Variants in ITFG1 observed in about 807,000 individuals in gnomAD.
ITFG1 encodes the protein integrin alpha FG-GAP repeat containing 1.
In ITFG1, 34 loss-of-function variants were observed where a neutral mutation model predicts 81.8. The ratio of observed to expected loss-of-function variants is 0.42; its 90% CI spans 0.32 to 0.55. The LOEUF is 0.55. Ranked by LOEUF, ITFG1 falls within the 20% of genes least tolerant of loss-of-function variation. The pLI, the probability that ITFG1 is intolerant of heterozygous loss-of-function variation, is 0.17. For synonymous variants in ITFG1, 285 were observed against 270.6 expected (o/e 1.05, Z -0.52); for missense variants, 672 against 755.4 (o/e 0.89, Z 1.29).
intron 14 of ITFG1, among the ~76,000 whole-genome samples, chr16:47,193,037 G>C (rs752515303): frequency 6.6e-6 from 1 of 152,054 alleles, no homozygotes; most frequent in Non-Finnish European, 1.5e-5. Context: ...GCAGTGGTCT[G>C]TCCCGTGTCT....
intron 13 of ITFG1, among the ~76,000 whole-genome samples, chr16:47,222,707 C>G (rs536118703): frequency 1.3e-5 from 2 of 152,294 alleles, no homozygotes; most frequent in Admixed American, 1.3e-4. Context: ...GCCACTCTGC[C>G]CAGCCTTGAG....
intron 5 of ITFG1, among the ~76,000 whole-genome samples, chr16:47,433,497 A>G (rs1291352397): frequency 2.0e-5 from 3 of 152,110 alleles, no homozygotes; most frequent in African/African-American, 7.2e-5. Context: ...CCTAACAAAT[A>G]TGAATTTGCC....
chr16:47,353,085 G>A (rs1240170373), intron 8 of ITFG1, among the ~76,000 whole-genome samples: 1 of 152,032 alleles, frequency 6.6e-6, no homozygotes, highest in Non-Finnish European at 1.5e-5. Context: ...GGGAGGGATA[G>A]CATTAGTAGA....
intron 12 of ITFG1, among the ~76,000 whole-genome samples, chr16:47,248,909 T>C (rs1446325983): frequency 6.6e-6 from 1 of 152,204 alleles, no homozygotes; most frequent in African/African-American, 2.4e-5. Context: ...CTTCTACTAT[T>C]TGTGTTCTTT....
intron 6 of ITFG1, among the ~76,000 whole-genome samples, chr16:47,424,051 A>G (rs1968986833): frequency 6.6e-6 from 1 of 152,126 alleles, no homozygotes; most frequent in South Asian, 2.1e-4. Context: ...TCTCCCTATC[A>G]CTTTCAGGTA....
intron 6 of ITFG1, among the ~76,000 whole-genome samples, chr16:47,405,996 C>T (rs762087589): frequency 2.6e-5 from 4 of 152,144 alleles, no homozygotes; most frequent in Admixed American, 6.5e-5. Flanking sequence ...TGTACACATA[C>T]AGAAGTTACG....
At chr16:47,427,860 G>A (rs1183907909) in intron 6 of ITFG1, among the ~76,000 whole-genome samples, 1 of 152,224 alleles carries the variant, frequency 6.6e-6, no homozygotes, top group African/African-American at 2.4e-5. Flanking sequence ...TTGATTGGGT[G>A]TGGTGGCTCA....
At position 47,154,573 on chromosome 16, in the gene ITFG1, ACTT is replaced by A. The variant is rs940815007; in HGVS notation, c.*1143_*1145del. 1.3e-5 allele frequency: 2 copies of A among 152,116 alleles called. No individual in the cohort carries two copies. Among genetic ancestry groups the A allele is most frequent in the African/African-American group, 4.8e-5 (2 of 41,436 alleles). 9.4% of individuals were successfully genotyped at this position (152,116 alleles called of 1,614,324 possible). A position where few individuals can be genotyped will look rare whatever the true frequency, so the allele number is the denominator to read the frequency against. On this transcript the variant is annotated 3_prime_UTR_variant, in exon 18 of 18. Transcript: ENST00000320640. ...ACTAGAAAATTATTAGCATTGATAA[ACTT>A]TTTTTTTTCAGTCTTAAAGTCTTTT... is the stretch of plus-strand genomic sequence containing the variant.
intron 7 of ITFG1, among the ~76,000 whole-genome samples, chr16:47,374,716 T>C (rs2151590249): frequency 6.6e-6 from 1 of 152,252 alleles, no homozygotes; most frequent in East Asian, 1.9e-4. Flanking sequence ...AAGTAGTACA[T>C]TAAATAAGTC....
intron 8 of ITFG1, among the ~76,000 whole-genome samples, chr16:47,348,377 G>C (rs1356154606): frequency 6.6e-6 from 1 of 152,208 alleles, no homozygotes; most frequent in East Asian, 1.9e-4. Context: ...GGACCTGATG[G>C]AGCTGAAAAC....
chr16:47,226,917 C>G (rs1248650096), intron 13 of ITFG1, among the ~76,000 whole-genome samples: 1 of 151,920 alleles, frequency 6.6e-6, no homozygotes, highest in Non-Finnish European at 1.5e-5. Context: ...AATGGGTTAT[C>G]TTTTAAAAAC....
intron 6 of ITFG1, among the ~76,000 whole-genome samples, chr16:47,398,200 T>C (rs752929329): frequency 6.6e-6 from 1 of 152,034 alleles, no homozygotes; most frequent in African/African-American, 2.4e-5. Flanking sequence ...AGAGAAAATA[T>C]GAAAAACTTT....
At chr16:47,406,146 T>A (rs907625718) in intron 6 of ITFG1, among the ~76,000 whole-genome samples, 5 of 152,230 alleles carry the variant, frequency 3.3e-5, no homozygotes, top group African/African-American at 1.2e-4. Context: ...AGATCAACTA[T>A]TTTTTAGAGC....
intron 10 of ITFG1, among the ~76,000 whole-genome samples, chr16:47,272,059 A>G (rs1966347503): frequency 6.6e-6 from 1 of 152,258 alleles, no homozygotes; most frequent in Admixed American, 6.5e-5. Flanking sequence ...GTATAACCAT[A>G]TAATGGTCTG....
At chr16:47,201,207 ATT>A (rs765492131) in intron 14 of ITFG1, among the ~76,000 whole-genome samples, 133 of 139,736 alleles carry the variant, frequency 9.5e-4, no homozygotes, top group African/African-American at 2.5e-3. Context: ...ATTTAGGAGA[ATT>A]TTTTTTTTTT....
At chr16:47,386,727 T>C (rs1272471929) in intron 6 of ITFG1, among the ~76,000 whole-genome samples, 2 of 152,226 alleles carry the variant, frequency 1.3e-5, no homozygotes, top group African/African-American at 4.8e-5. Flanking sequence ...AGTGTGTCAC[T>C]GTCCTCACTC....
intron 8 of ITFG1, among the ~76,000 whole-genome samples, chr16:47,325,090 ACTC>A (rs1238455883): frequency 6.6e-6 from 1 of 152,082 alleles, no homozygotes; most frequent in Admixed American, 6.6e-5. Flanking sequence ...GAAGTAAAGC[ACTC>A]CTCAGCAAAT....
intron 10 of ITFG1, among the ~76,000 whole-genome samples, chr16:47,302,300 T>C (rs1455094983): frequency 1.3e-5 from 2 of 150,838 alleles, no homozygotes; most frequent in East Asian, 1.9e-4. Context: ...AAATAAGTCA[T>C]AAGCACTGCT....
At chr16:47,288,547 T>G (rs890930274) in intron 10 of ITFG1, among the ~76,000 whole-genome samples, 1 of 152,194 alleles carries the variant, frequency 6.6e-6, no homozygotes, top group African/African-American at 2.4e-5. Flanking sequence ...TGTACTAATT[T>G]ACTTTCCCAC....
Sources: allele counts gnomAD v4.1 joint callset (sites outside exome capture counted in the v4.1 genomes callset), GRCh38; gene constraint gnomAD v4.1.1; transcripts MANE v1.5; gene names NCBI Gene and HGNC (gene_info 2026-07-23, HGNC 2026-07-21).